The following RNF111 variants were observed in gnomAD, a reference collection of about 807,000 sequenced individuals.
The protein encoded by RNF111 is E3 ubiquitin-protein ligase Arkadia.
A neutral mutation model predicts 95.1 loss-of-function variants in RNF111; 17 were observed. That is an observed-to-expected ratio of 0.18 (90% CI 0.12 to 0.27). The LOEUF (loss-of-function observed/expected upper bound fraction) is 0.27, where lower values mean the gene tolerates loss of function less well. Ranked by LOEUF, RNF111 falls within the 10% of genes least tolerant of loss-of-function variation. RNF111 has a pLI of 1.00. For synonymous variants in RNF111, 440 were observed against 414.8 expected (o/e 1.06, Z -0.74); for missense variants, 1,189 against 1,210.4 (o/e 0.98, Z 0.26).
chr15:59,090,195 T>C (rs1274301992), intron 11 of RNF111, among the ~76,000 whole-genome samples: 1 of 145,096 alleles, frequency 6.9e-6, no homozygotes, highest in African/African-American at 2.6e-5. Flanking sequence ...TAAAGTTTTG[T>C]TGTGGTTTGT....
At chr15:59,044,338 CTCT>C (rs576525371) in intron 2 of RNF111, among the ~76,000 whole-genome samples, 40 of 152,024 alleles carry the variant, frequency 2.6e-4, no homozygotes, top group Non-Finnish European at 4.4e-4. Flanking sequence ...GCCATGGAAA[CTCT>C]TCTTATTGTT....
At chr15:59,042,153 C>T (rs2041493736) in intron 2 of RNF111, among the ~76,000 whole-genome samples, 1 of 151,860 alleles carries the variant, frequency 6.6e-6, no homozygotes, top group African/African-American at 2.4e-5. Context: ...GAGACAGGAT[C>T]TCACTCTGTC....
Position 58,992,193 on chromosome 15 carries a change from C to T in RNF111, c.-20+4125C>T, listed in dbSNP as rs1024334426. On this transcript the variant is annotated intron_variant, in intron 1 of 13. Transcript: ENST00000348370. ...CTGAGTAGCTGGGATTACAGGAGCG[C>T]GCCACCACGCCTGCTAACTTTTTGT... Among the ~76,000 whole-genome samples the T allele has an allele frequency of 6.6e-5, 10 of 152,200 alleles. No individual in the cohort carries two copies. In the South Asian group the frequency reaches 1.5e-3, roughly 22 times the overall value.
intron 1 of RNF111, among the ~76,000 whole-genome samples, chr15:59,011,928 A>G (rs1339768601): frequency 6.6e-6 from 1 of 151,618 alleles, no homozygotes; most frequent in Non-Finnish European, 1.5e-5. Flanking sequence ...TAGGATTGTC[A>G]AAGTTGGGAC....
At chr15:58,999,179 T>G (rs1445252581) in intron 1 of RNF111, among the ~76,000 whole-genome samples, 1 of 152,206 alleles carries the variant, frequency 6.6e-6, no homozygotes, top group Non-Finnish European at 1.5e-5. Context: ...CAGCATATCA[T>G]GATAAATGGA....
chr15:59,051,519 T>C lies in RNF111; in HGVS notation c.881-786T>C, dbSNP rs1325274723. ...GGCTGGGTGCAGTGGCTCACGCCTA[T>C]AATCCCAGCACTTTGGGAGGCTGAG... On this transcript the variant is annotated intron_variant, in intron 2 of 13. Coordinates refer to ENST00000348370, the MANE Select transcript of RNF111 (RefSeq NM_017610.8). Among the ~76,000 whole-genome samples the C allele has an allele frequency of 2.0e-5, 3 of 149,410 alleles. No homozygotes were observed. In the East Asian group the frequency reaches 6.0e-4, roughly 30 times the overall value.
At chr15:59,016,013 G>C (rs1298731153) in intron 1 of RNF111, among the ~76,000 whole-genome samples, 1 of 151,714 alleles carries the variant, frequency 6.6e-6, no homozygotes, top group African/African-American at 2.4e-5. Context: ...ACCACACCTA[G>C]ATAACTTTTG....
At chr15:59,067,647 A>G (rs1407253892) in intron 6 of RNF111, among the ~76,000 whole-genome samples, 1 of 152,196 alleles carries the variant, frequency 6.6e-6, no homozygotes, top group Admixed American at 6.5e-5. Context: ...CAAAACTGAT[A>G]CTTAATCTAA....
chr15:59,058,884 A>C (rs542469036), intron 5 of RNF111, among the ~76,000 whole-genome samples: 2 of 152,368 alleles, frequency 1.3e-5, no homozygotes, highest in East Asian at 3.9e-4. Context: ...GATATTATCA[A>C]GACAGTGAAA....
intron 1 of RNF111, among the ~76,000 whole-genome samples, chr15:59,000,673 C>T (rs192603373): frequency 2.0e-4 from 30 of 151,108 alleles, no homozygotes; most frequent in Middle Eastern, 3.4e-3. Flanking sequence ...GGCACCACTC[C>T]GCTCCATCCT....
At chr15:59,063,521 A>G (rs979777927) in intron 5 of RNF111, among the ~76,000 whole-genome samples, 4 of 152,118 alleles carry the variant, frequency 2.6e-5, no homozygotes, top group Admixed American at 1.3e-4. Context: ...TGGGCCCTCT[A>G]TGGGTTAATT....
At chr15:59,000,687 T>G (rs547270349) in intron 1 of RNF111, among the ~76,000 whole-genome samples, 11 of 148,050 alleles carry the variant, frequency 7.4e-5, no homozygotes, top group Admixed American at 6.8e-4. Context: ...CCATCCTGGG[T>G]GACAGAGCTG....
chr15:59,066,815 C>T lies in RNF111; in HGVS notation c.1418C>T (p.Ala473Val). The part of the protein sequence containing the change: ...SSAVTETGPP[A>V]MPRLPSCCPQ... ...GCTGTAACGGAAACTGGCCCTCCTG[C>T]AATGCCAAGGTTACCTTCCTGCTGT... The change falls in exon 6 of 14, where the codon GCA (alanine) becomes GTA (valine). Residue 473 changes from alanine (A) to valine (V), a missense_variant. Physicochemically the swap from Ala to Val is moderately conservative, Grantham distance 64 (BLOSUM62 0). Around this residue, in one of 2 missense-constraint regions of RNF111, gnomAD observed 1,024 missense variants for 925.9 expected, o/e 1.11. Transcript: ENST00000348370. 1 of 1,614,068 alleles carries T rather than the reference C, an allele frequency of 6.2e-7. No homozygotes were observed. The highest frequency in any genetic ancestry group is 8.5e-7 in the Non-Finnish European group (1 of 1,180,002).
At chr15:58,995,837 A>T (rs1330457627) in intron 1 of RNF111, among the ~76,000 whole-genome samples, 2 of 112,926 alleles carry the variant, frequency 1.8e-5, no homozygotes, top group Non-Finnish European at 3.5e-5. Context: ...AGCACATCTT[A>T]TTTCTTTCCT....
intron 1 of RNF111, among the ~76,000 whole-genome samples, chr15:58,991,178 T>C (rs950808568): frequency 5.9e-5 from 9 of 151,936 alleles, no homozygotes; most frequent in African/African-American, 2.2e-4. Flanking sequence ...CATGCGCCTG[T>C]AATCCTGGCT....
intron 2 of RNF111, among the ~76,000 whole-genome samples, chr15:59,034,808 A>G (rs1420748119): frequency 2.0e-5 from 3 of 152,242 alleles, no homozygotes; most frequent in Non-Finnish European, 4.4e-5. Context: ...TGGAAAGTCT[A>G]AACTTTTAAT....
At chr15:59,084,339 G>A in intron 9 of RNF111, 85 bp downstream of exon 9, 30 of 1,297,696 alleles carry the variant, frequency 2.3e-5, no homozygotes, top group Non-Finnish European at 3.1e-5. Context: ...TGATTGCTTT[G>A]CAGAAGGATG....
At chr15:59,052,557 T>A in intron 3 of RNF111, 126 bp downstream of exon 3, 2 of 523,230 alleles carry the variant, frequency 3.8e-6, no homozygotes, top group Non-Finnish European at 6.0e-6. Context: ...TATGCATATA[T>A]CAGATTAGTG....
intron 5 of RNF111, among the ~76,000 whole-genome samples, chr15:59,065,714 A>G (rs1417829943): frequency 1.3e-5 from 2 of 152,172 alleles, no homozygotes; most frequent in Non-Finnish European, 2.9e-5. Context: ...AAGGAAGGAA[A>G]AAAGATAATG....
Sources: gnomAD v4.1 joint callset for allele counts (sites outside exome capture counted in the v4.1 genomes callset) on GRCh38, gnomAD v4.1.1 for gene constraint, gnomAD v4.1.1 regional missense constraint, MANE v1.5 for transcripts, NCBI Gene and HGNC (gene_info 2026-07-23, HGNC 2026-07-21) for gene names.